ZNF723: variants seen among roughly 807,000 people sequenced by gnomAD.
ZNF723 encodes the protein zinc finger protein 723, pseudogene.
ZNF723 carries 5 observed loss-of-function variants against 9.4 expected under a neutral mutation model. The observed-to-expected ratio is 0.53, with a 90% CI of 0.28 to 1.12. The LOEUF (loss-of-function observed/expected upper bound fraction) is 1.12. Among genes scored for constraint, ZNF723 ranks in the 50% most tolerant of loss-of-function variants. The pLI, the probability that ZNF723 is intolerant of heterozygous loss-of-function variation, is 0.10. For missense variants in ZNF723, 450 were observed against 501.5 expected, an observed-to-expected ratio of 0.90 and a Z score of 0.98; for synonymous variants, 158 against 168.8, an observed-to-expected ratio of 0.94 and a Z score of 0.49.
At chr19:22,838,307 A>T (rs145961815) in intron 1 of ZNF723, among the ~76,000 whole-genome samples, 14 of 152,192 alleles carry the variant, frequency 9.2e-5, no homozygotes, top group African/African-American at 3.4e-4. Context: ...TAATCCCAGC[A>T]CTTTGGGAGG....
intron 2 of ZNF723, among the ~76,000 whole-genome samples, chr19:22,848,729 TTTTATTTATTTATTTA>T (rs71163410): frequency 7.7e-4 from 110 of 143,062 alleles, no homozygotes; most frequent in East Asian, 2.9e-3. Flanking sequence ...AGAGAAATTA[TTTTATTTATTTATTTA>T]TTTATTTATT....
the ZNF723 span, among the ~76,000 whole-genome samples, chr19:22,816,978 C>A: frequency 6.6e-6 from 1 of 152,214 alleles, no homozygotes; most frequent in African/African-American, 2.4e-5. Context: ...CTAGGTGATG[C>A]GGCTATTTTC....
intron 3 of ZNF723, among the ~76,000 whole-genome samples, chr19:22,853,070 T>C (rs753113156): frequency 6.6e-6 from 1 of 152,158 alleles, no homozygotes; most frequent in Non-Finnish European, 1.5e-5. Flanking sequence ...CTTTTAGTTA[T>C]TGGCTTTCAG....
Position 22,858,187 on chromosome 19 carries a change from A to C in ZNF723, c.1296A>C (p.Lys432Asn). ...ERPYKCKQCG[K>N]GFSQSSTLTK... Reference sequence around the variant, plus strand: ...CTTACAAATGTAAACAATGTGGTAAAGGTTTTAGCCAATCCTCAACCCTTA... The same window carrying C: ...CTTACAAATGTAAACAATGTGGTAACGGTTTTAGCCAATCCTCAACCCTTA... Residue 432 changes from lysine to asparagine, a missense_variant, in exon 4 of 4, where the codon AAA becomes AAC. By Grantham distance (94) the Lys-to-Asn change is moderately conservative. Around this residue, in one of 5 missense-constraint regions of ZNF723, gnomAD observed 237 missense variants for 332.2 expected, o/e 0.71. Transcript: ENST00000600766. 1 of 1,393,838 alleles carries C rather than the reference A, an allele frequency of 7.2e-7. No homozygotes were observed. Among genetic ancestry groups the C allele is most frequent in the Non-Finnish European group, 1.0e-6 (1 of 982,044 alleles). The allele number at this position is 1,393,838 out of a possible 1,614,324, so 86.3% of individuals were successfully genotyped here.
At chr19:22,827,700 C>T (rs1229618834), upstream of ZNF723, among the ~76,000 whole-genome samples, 2 of 152,080 alleles carry the variant, frequency 1.3e-5, no homozygotes, top group African/African-American at 4.8e-5. Flanking sequence ...CTGCCTGCCT[C>T]GGCCTCCCAA....
the ZNF723 span, among the ~76,000 whole-genome samples, chr19:22,823,900 A>T: frequency 6.6e-6 from 1 of 152,218 alleles, no homozygotes; most frequent in African/African-American, 2.4e-5. Flanking sequence ...CTTCTGCCAT[A>T]GTTCTCCCCA....
In ZNF723 at chr19:22,838,748, T is replaced by C. The variant is rs78239775; in HGVS notation, c.3+6366T>C. Among the ~76,000 whole-genome samples the C allele has an allele frequency of 9.9e-5, 15 of 152,038 alleles. No homozygotes were observed. The East Asian group carries it at 2.9e-3, about 29-fold the overall frequency. Reference sequence around the variant, plus strand: ...ATTCTACTTTATTTTCTTCTTATTTTATTATTATTATTTTTTGAGATGGAG... The same window carrying C: ...ATTCTACTTTATTTTCTTCTTATTTCATTATTATTATTTTTTGAGATGGAG... On this transcript the variant is annotated intron_variant, in intron 1 of 3. Coordinates refer to ENST00000600766, the MANE Select transcript of ZNF723 (RefSeq NM_001349726.2).
chr19:22,857,914 C>T lies in ZNF723; in HGVS notation c.1023C>T (p.Tyr341=). 1 of 1,453,550 alleles carries T rather than the reference C, an allele frequency of 6.9e-7. No homozygotes were observed. Among genetic ancestry groups the T allele is most frequent in the African/African-American group, 1.4e-5 (1 of 71,762 alleles). 90.0% of individuals were successfully genotyped at this position (1,453,550 alleles called of 1,614,324 possible). Residue 341 remains tyrosine, a synonymous_variant, in exon 4 of 4, where the codon TAC becomes TAT. Coordinates refer to ENST00000600766, the MANE Select transcript of ZNF723 (RefSeq NM_001349726.2). ...HKRIHTGEKL[Y]KCEECGKAFS... ...GAATTCATACTGGAGAGAAACTCTACAAATGTGAAGAATGTGGCAAAGCAT... is the reference window on the plus strand; with the variant it reads ...GAATTCATACTGGAGAGAAACTCTATAAATGTGAAGAATGTGGCAAAGCAT...
chr19:22,837,036 T>C (rs1967176142), intron 1 of ZNF723, among the ~76,000 whole-genome samples: 1 of 152,148 alleles, frequency 6.6e-6, no homozygotes, highest in African/African-American at 2.4e-5. Context: ...CTCATGCCTG[T>C]AATCCTAGCA....
chr19:22,849,972 C>T (rs893094871), intron 3 of ZNF723, among the ~76,000 whole-genome samples: 4 of 151,830 alleles, frequency 2.6e-5, no homozygotes, highest in Non-Finnish European at 4.4e-5. Context: ...CTTGTTTTAT[C>T]GTGTTTAAAA....
At chr19:22,836,638 G>A (rs550482513) in intron 1 of ZNF723, among the ~76,000 whole-genome samples, 11 of 152,162 alleles carry the variant, frequency 7.2e-5, no homozygotes, top group Non-Finnish European at 1.6e-4. Context: ...ACTGAGAATA[G>A]CTCAAAGTTC....
Position 22,848,373 on chromosome 19 carries a change from A to G in ZNF723, c.116A>G (p.Asn39Ser), listed in dbSNP as rs1424711966. ...GATGTGATGTTAGAGAACTACAGAAACCTGGTCTTCCTGGGTGAGAATAAC... is the reference window on the plus strand; with the variant it reads ...GATGTGATGTTAGAGAACTACAGAAGCCTGGTCTTCCTGGGTGAGAATAAC... ...YRDVMLENYR[N>S]LVFLGVGVSK... Residue 39 changes from asparagine (N) to serine (S), a missense_variant, in exon 2 of 4, where the codon AAC becomes AGC. Transcript: ENST00000600766. 2 of 1,466,104 alleles carry G rather than the reference A, an allele frequency of 1.4e-6. No homozygotes were observed. The highest frequency in any genetic ancestry group is 1.9e-6 in the Non-Finnish European group (2 of 1,052,132). 90.8% of individuals were successfully genotyped at this position (1,466,104 alleles called of 1,614,324 possible).
upstream of ZNF723, among the ~76,000 whole-genome samples, chr19:22,831,333 G>T (rs1300846296): frequency 6.6e-6 from 1 of 152,010 alleles, no homozygotes. Flanking sequence ...GAGGCGGGCG[G>T]ATCACCTGAG....
upstream of ZNF723, among the ~76,000 whole-genome samples, chr19:22,828,045 A>G (rs1967056484): frequency 6.6e-6 from 1 of 152,032 alleles, no homozygotes; most frequent in Non-Finnish European, 1.5e-5. Context: ...GTGACTTTGC[A>G]CTCCAGCCAG....
At chr19:22,813,024 A>G in the ZNF723 span, among the ~76,000 whole-genome samples, 1 of 151,922 alleles carries the variant, frequency 6.6e-6, no homozygotes, top group Non-Finnish European at 1.5e-5. Flanking sequence ...CCCAGGCTGG[A>G]GTACGGTGTC....
intron 1 of ZNF723, chr19:22,840,341 T>TC (rs1967226326): frequency 6.8e-6 from 1 of 147,922 alleles, no homozygotes; most frequent in African/African-American, 2.6e-5. Flanking sequence ...CTGGCTAATT[T>TC]TGTATTTTTA....
the ZNF723 span, among the ~76,000 whole-genome samples, chr19:22,826,758 T>C: frequency 0.2 from 29,924 of 152,176 alleles, 3,545 homozygotes; most frequent in African/African-American, 0.33. Flanking sequence ...AGTTTTCTAA[T>C]GGCTCTACGA....
chr19:22,831,556 C>CAA (rs113128380), upstream of ZNF723, among the ~76,000 whole-genome samples: 2 of 141,140 alleles, frequency 1.4e-5, no homozygotes, highest in African/African-American at 5.2e-5. Flanking sequence ...GACTCCGTAT[C>CAA]AAAAAAAAAA....
At chr19:22,822,532 CAG>C in the ZNF723 span, among the ~76,000 whole-genome samples, 1 of 152,300 alleles carries the variant, frequency 6.6e-6, no homozygotes, top group East Asian at 1.9e-4. Flanking sequence ...TCCAATGGTA[CAG>C]AGAGTGTCAT....
Sources: allele counts gnomAD v4.1 joint callset (sites outside exome capture counted in the v4.1 genomes callset), GRCh38; gene constraint gnomAD v4.1.1; regional missense constraint gnomAD v4.1.1; transcripts MANE v1.5; gene names NCBI Gene and HGNC (gene_info 2026-07-23, HGNC 2026-07-21).